The following GRIK2 variants were observed in gnomAD, a reference collection of about 807,000 sequenced individuals.
The protein encoded by GRIK2 is glutamate ionotropic receptor kainate type subunit 2.
In GRIK2, 32 loss-of-function variants were observed where a neutral mutation model predicts 100.3. That is an observed-to-expected ratio of 0.32 (90% CI 0.24 to 0.43). GRIK2 has a LOEUF of 0.43. Ranked by LOEUF, GRIK2 falls within the 20% of genes least tolerant of loss-of-function variation. The pLI is 1.00. For missense variants in GRIK2, 843 were observed against 1,114.9 expected, an observed-to-expected ratio of 0.76 and a Z score of 3.47; for synonymous variants, 417 against 389.4, an observed-to-expected ratio of 1.07 and a Z score of -0.83.
At chr6:101,594,589 T>C (rs1261729262) in intron 2 of GRIK2, among the ~76,000 whole-genome samples, 2 of 151,764 alleles carry the variant, frequency 1.3e-5, no homozygotes, top group African/African-American at 4.8e-5. Flanking sequence ...AAAATGAGTA[T>C]AGAGTTTCAA....
At chr6:101,823,210 A>AT (rs1467205143) in intron 10 of GRIK2, among the ~76,000 whole-genome samples, 2 of 151,896 alleles carry the variant, frequency 1.3e-5, no homozygotes, top group African/African-American at 4.8e-5. Flanking sequence ...AGCTCACTTC[A>AT]TTTTTTCTCT....
chr6:101,681,417 T>G (rs2128341994), intron 5 of GRIK2, among the ~76,000 whole-genome samples: 1 of 150,090 alleles, frequency 6.7e-6, no homozygotes, highest in Admixed American at 6.6e-5. Flanking sequence ...TTTTTTTTTT[T>G]TTTTTTGTAG....
intron 2 of GRIK2, among the ~76,000 whole-genome samples, chr6:101,491,081 A>C (rs1189555626): frequency 1.7e-5 from 2 of 118,128 alleles, no homozygotes; most frequent in African/African-American, 3.7e-5. Flanking sequence ...TGAGTCATAC[A>C]TGTGAAAGTC....
intron 2 of GRIK2, among the ~76,000 whole-genome samples, chr6:101,407,754 CTT>C (rs1467134129): frequency 1.3e-5 from 2 of 152,100 alleles, no homozygotes; most frequent in East Asian, 1.9e-4. Context: ...AATTCTAAGA[CTT>C]AGCTTCTGAT....
intron 7 of GRIK2, among the ~76,000 whole-genome samples, chr6:101,692,764 T>A (rs1340273277): frequency 6.6e-6 from 1 of 152,046 alleles, no homozygotes; most frequent in African/African-American, 2.4e-5. Context: ...AACATAAATG[T>A]TATAACTACT....
intron 16 of GRIK2, among the ~76,000 whole-genome samples, chr6:102,059,997 GAAATA>G (rs1771666250): frequency 6.7e-6 from 1 of 149,844 alleles, no homozygotes; most frequent in African/African-American, 2.4e-5. Context: ...ATATGTCTAA[GAAATA>G]AAATATATAT....
intron 2 of GRIK2, among the ~76,000 whole-genome samples, chr6:101,586,563 A>G (rs1435810835): frequency 2.0e-5 from 3 of 152,012 alleles, no homozygotes; most frequent in Non-Finnish European, 4.4e-5. Flanking sequence ...ACCCTGCACC[A>G]TGACAAAAGT....
Position 101,779,877 on chromosome 6 carries a change from C to CTA in GRIK2, c.952-19760_952-19759dup, listed in dbSNP as rs371522416. Among the ~76,000 whole-genome samples, 89 of 151,710 alleles carry CTA rather than the reference C, an allele frequency of 5.9e-4. No individual in the cohort carries two copies. In the East Asian group the frequency reaches 0.013, roughly 22 times the overall value. On this transcript the variant is annotated intron_variant, in intron 7 of 16. Coordinates refer to ENST00000369134, the MANE Select transcript of GRIK2 (RefSeq NM_021956.5). Reference sequence around the variant, plus strand: ...TGCTTGGAGAGATAAATCTCTCTCTCTATATATATATAAAATTGTAGTTGA... The same window carrying CTA: ...TGCTTGGAGAGATAAATCTCTCTCTCTATATATATATATAAAATTGTAGTTGA...
chr6:101,906,207 A>T (rs548020742), intron 12 of GRIK2, among the ~76,000 whole-genome samples: 2 of 151,726 alleles, frequency 1.3e-5, no homozygotes, highest in African/African-American at 4.8e-5. Context: ...TGAGCCTAGA[A>T]TATTGAAAGC....
intron 2 of GRIK2, among the ~76,000 whole-genome samples, chr6:101,568,983 T>G (rs1777410839): frequency 6.6e-6 from 1 of 151,818 alleles, no homozygotes; most frequent in Admixed American, 6.6e-5. Flanking sequence ...AGAGCTGGAG[T>G]AGGAGGCAAT....
At chr6:101,533,948 G>A (rs1562206881) in intron 2 of GRIK2, among the ~76,000 whole-genome samples, 2 of 151,720 alleles carry the variant, frequency 1.3e-5, no homozygotes, top group Admixed American at 6.6e-5. Context: ...TTCTGATTTT[G>A]AGTATCATAC....
At chr6:102,039,076 T>G (rs1289389755) in intron 15 of GRIK2, among the ~76,000 whole-genome samples, 2 of 151,418 alleles carry the variant, frequency 1.3e-5, no homozygotes, top group African/African-American at 4.8e-5. Flanking sequence ...TCATATATTA[T>G]CTTCTTAGCC....
intron 11 of GRIK2, among the ~76,000 whole-genome samples, chr6:101,883,604 C>G (rs2791844): frequency 0.09 from 13,616 of 152,098 alleles, 674 homozygotes; most frequent in Non-Finnish European, 0.098. Context: ...GGAAAGACCC[C>G]TTTGAGTAAT....
intron 1 of GRIK2, among the ~76,000 whole-genome samples, chr6:101,398,348 T>C (rs1259127692): frequency 6.6e-6 from 1 of 152,224 alleles, no homozygotes. Flanking sequence ...ATTTCTCCCA[T>C]AAAAGTTCAC....
At chr6:101,549,957 C>T (rs780712910) in intron 2 of GRIK2, among the ~76,000 whole-genome samples, 11 of 152,200 alleles carry the variant, frequency 7.2e-5, no homozygotes, top group Non-Finnish European at 1.2e-4. Context: ...ACCCAAGCCT[C>T]TGTCTCCAGG....
chr6:101,558,514 T>C (rs1776851065), intron 2 of GRIK2, among the ~76,000 whole-genome samples: 2 of 152,054 alleles, frequency 1.3e-5, no homozygotes, highest in South Asian at 2.1e-4. Context: ...GAACACAGAA[T>C]TGGGAACAAG....
intron 12 of GRIK2, among the ~76,000 whole-genome samples, chr6:101,895,227 C>A (rs2128459392): frequency 6.6e-6 from 1 of 151,692 alleles, no homozygotes; most frequent in South Asian, 2.1e-4. Context: ...TAACATTTTT[C>A]TAAGTTAAAA....
At chr6:101,979,677 A>C (rs1349311942) in intron 14 of GRIK2, among the ~76,000 whole-genome samples, 3 of 151,922 alleles carry the variant, frequency 2.0e-5, no homozygotes, top group African/African-American at 4.8e-5. Flanking sequence ...TCTATTGGTG[A>C]AGCTAGTTCT....
At chr6:101,684,776 T>G (rs1218497914) in intron 6 of GRIK2, among the ~76,000 whole-genome samples, 2 of 151,704 alleles carry the variant, frequency 1.3e-5, no homozygotes, top group Non-Finnish European at 2.9e-5. Context: ...GTAGGAAAAT[T>G]ATTGGACAAA....
Sources: allele counts gnomAD v4.1 joint callset (sites outside exome capture counted in the v4.1 genomes callset), GRCh38; gene constraint gnomAD v4.1.1; transcripts MANE v1.5; gene names NCBI Gene and HGNC (gene_info 2026-07-23, HGNC 2026-07-21).